Variants in SYCP1 observed in about 807,000 individuals in gnomAD.
SYCP1 encodes the protein cancer/testis antigen 8.
SYCP1 carries 64 observed loss-of-function variants against 153.1 expected under a neutral mutation model. The observed-to-expected ratio is 0.42, with a 90% CI of 0.34 to 0.51. SYCP1 has a LOEUF of 0.51. Among genes scored for constraint, SYCP1 ranks in the 20% least tolerant of loss-of-function variants. The probability of loss-of-function intolerance (pLI) is 0.06; values close to 1 mark genes in which losing one functional copy is unlikely to be tolerated. For synonymous variants in SYCP1, 384 were observed against 341.8 expected (o/e 1.12, Z -1.36); for missense variants, 997 against 1,049.0 (o/e 0.95, Z 0.68).
intron 15 of SYCP1, among the ~76,000 whole-genome samples, chr1:114,890,332 T>C (rs1446002531): frequency 6.6e-6 from 1 of 151,570 alleles, no homozygotes; most frequent in Non-Finnish European, 1.5e-5. Context: ...TTAAATATGT[T>C]TTATAATGAA....
chr1:114,917,538 A>G (rs1570766766), intron 20 of SYCP1, among the ~76,000 whole-genome samples: 1 of 151,824 alleles, frequency 6.6e-6, no homozygotes, highest in South Asian at 2.1e-4. Context: ...CGGTAGCTCT[A>G]TTTTTGAGGA....
chr1:114,856,166 A>G (rs1452553425), intron 2 of SYCP1, among the ~76,000 whole-genome samples: 3 of 152,240 alleles, frequency 2.0e-5, no homozygotes, highest in Non-Finnish European at 2.9e-5. Flanking sequence ...TTACTTGTAT[A>G]TGCTGTAAAA....
At chr1:114,993,306 T>C (rs968329636) in intron 30 of SYCP1, among the ~76,000 whole-genome samples, 2 of 151,604 alleles carry the variant, frequency 1.3e-5, no homozygotes, top group African/African-American at 4.8e-5. Flanking sequence ...TAAAAATCTG[T>C]TTGAAATTTC....
At chr1:114,972,800 T>G (rs977322671) in intron 27 of SYCP1, among the ~76,000 whole-genome samples, 7 of 152,172 alleles carry the variant, frequency 4.6e-5, no homozygotes, top group African/African-American at 1.7e-4. Flanking sequence ...GTTTAAGACT[T>G]GTTTTGTGGC....
At chr1:114,882,448 T>A (rs374406132) in intron 12 of SYCP1, among the ~76,000 whole-genome samples, 1 of 152,138 alleles carries the variant, frequency 6.6e-6, no homozygotes, top group Non-Finnish European at 1.5e-5. Context: ...AAGATGTTAT[T>A]CTTCTTTTTC....
At chr1:114,961,041 G>A (rs573727852) in intron 27 of SYCP1, among the ~76,000 whole-genome samples, 5 of 152,128 alleles carry the variant, frequency 3.3e-5, no homozygotes, top group Admixed American at 6.6e-5. Flanking sequence ...CTTGTTATTG[G>A]TCTGTTCAGA....
chr1:114,867,285 C>T (rs1328162924), intron 8 of SYCP1, among the ~76,000 whole-genome samples: 3 of 152,070 alleles, frequency 2.0e-5, no homozygotes, highest in African/African-American at 7.2e-5. Context: ...TAGATATCCA[C>T]AATATAACTT....
intron 23 of SYCP1, among the ~76,000 whole-genome samples, chr1:114,928,767 C>CTTA (rs964938004): frequency 2.8e-4 from 42 of 152,190 alleles, no homozygotes; most frequent in Non-Finnish European, 5.0e-4. Flanking sequence ...AATATTAACA[C>CTTA]TTAAATAGAG....
chr1:114,940,225 G>A (rs1043713505), intron 23 of SYCP1, among the ~76,000 whole-genome samples: 5 of 152,062 alleles, frequency 3.3e-5, no homozygotes, highest in African/African-American at 1.2e-4. Flanking sequence ...AGCTTCCTGA[G>A]TAGTTGGGAT....
intron 26 of SYCP1, 145 bp from the exon 27 acceptor site, chr1:114,947,101 A>G: frequency 1.5e-6 from 1 of 680,602 alleles, no homozygotes; most frequent in South Asian, 1.8e-5. Flanking sequence ...CAGCCTTTAT[A>G]TCAGTTGACT....
intron 27 of SYCP1, among the ~76,000 whole-genome samples, chr1:114,977,102 A>G (rs1570902978): frequency 2.0e-5 from 3 of 151,894 alleles, no homozygotes; most frequent in East Asian, 1.9e-4. Context: ...TTCCATTTTT[A>G]TCTTGACTAT....
chr1:114,987,350 G>A (rs1170429733), intron 30 of SYCP1, among the ~76,000 whole-genome samples: 1 of 151,910 alleles, frequency 6.6e-6, no homozygotes, highest in Non-Finnish European at 1.5e-5. Flanking sequence ...AGTTACCAAA[G>A]TATAATATTC....
intron 23 of SYCP1, among the ~76,000 whole-genome samples, chr1:114,928,413 A>G (rs1034661808): frequency 1.3e-5 from 2 of 152,184 alleles, no homozygotes; most frequent in African/African-American, 4.8e-5. Flanking sequence ...AAAATAAACC[A>G]TCAACCCAGA....
intron 23 of SYCP1, among the ~76,000 whole-genome samples, chr1:114,937,183 G>T (rs1415260379): frequency 6.6e-6 from 1 of 152,176 alleles, no homozygotes; most frequent in African/African-American, 2.4e-5. Context: ...CATGGTACTT[G>T]TACCAAAACA....
chr1:114,894,290 G>A (rs1666917766), intron 15 of SYCP1, among the ~76,000 whole-genome samples: 2 of 151,996 alleles, frequency 1.3e-5, no homozygotes, highest in African/African-American at 4.8e-5. Flanking sequence ...TATTACAAGT[G>A]TTTTAAAAAA....
At position 114,923,702 on chromosome 1, in the gene SYCP1, T is replaced by C. The variant is rs113415273; in HGVS notation, c.1800+172T>C. ...TAGGAAAGGTTGGATTATTTTACTA[T>C]TGATATCTATATCTAGAAGAAATAG... is the stretch of plus-strand genomic sequence containing the variant. On this transcript the variant is annotated intron_variant, in intron 21 of 31. Coordinates refer to ENST00000369522, the MANE Select transcript of SYCP1 (RefSeq NM_003176.4). 2,580 of 519,404 alleles carry C rather than the reference T, an allele frequency of 5.0e-3. 57 individuals carry two copies. Among genetic ancestry groups the C allele is most frequent in the African/African-American group, 0.047 (2,345 of 49,850 alleles). 32.2% of individuals were successfully genotyped at this position (519,404 alleles called of 1,614,324 possible).
intron 12 of SYCP1, among the ~76,000 whole-genome samples, chr1:114,885,223 A>G (rs1045378713): frequency 1.3e-5 from 2 of 152,170 alleles, no homozygotes; most frequent in Admixed American, 1.3e-4. Flanking sequence ...CAGTGGCTAC[A>G]TGGTATACCA....
chr1:114,948,558 C>G (rs1670899470), intron 27 of SYCP1, among the ~76,000 whole-genome samples: 1 of 152,168 alleles, frequency 6.6e-6, no homozygotes, highest in Admixed American at 6.5e-5. Flanking sequence ...GAAAATCTCA[C>G]ACATCTTTCA....
chr1:114,896,818 G>A (rs1162534652), intron 16 of SYCP1, among the ~76,000 whole-genome samples: 2 of 152,198 alleles, frequency 1.3e-5, no homozygotes, highest in Non-Finnish European at 2.9e-5. Context: ...GAAAAAACTA[G>A]GTTCTTGTCA....
Sources: gnomAD v4.1 joint callset for allele counts (sites outside exome capture counted in the v4.1 genomes callset) on GRCh38, gnomAD v4.1.1 for gene constraint, MANE v1.5 for transcripts, NCBI Gene and HGNC (gene_info 2026-07-23, HGNC 2026-07-21) for gene names.